Variants in ARSF observed in about 807,000 individuals in gnomAD.
ARSF encodes the protein arylsulfatase F.
In ARSF, 33 loss-of-function variants were observed where a neutral mutation model predicts 35.4. That is an observed-to-expected ratio of 0.93 (90% CI 0.71 to 1.25). The LOEUF is 1.25. Among genes scored for constraint, ARSF ranks in the 50% most tolerant of loss-of-function variants. The pLI is 0.00. For synonymous variants in ARSF, 222 were observed against 193.1 expected (o/e 1.15, Z -1.24); for missense variants, 501 against 480.2 (o/e 1.04, Z -0.40).
intron 6 of ARSF, among the ~76,000 whole-genome samples, chrX:3,086,242 C>T (rs771045562): frequency 1.1e-4 from 12 of 111,940 alleles, no homozygotes; most frequent in Non-Finnish European, 1.7e-4. Context: ...TCTGCCAGTT[C>T]GTCTTCAAAC....
At chrX:3,084,717 TA>T in intron 6 of ARSF, 51 bp downstream of exon 6, 1 of 1,061,362 alleles carries the variant, frequency 9.4e-7, no homozygotes. Context: ...ATCTCTTTTT[TA>T]AAAGGACCTA....
chrX:3,077,789 T>TTTTTTATTATTATTATTATTA (rs1555919570), intron 4 of ARSF, among the ~76,000 whole-genome samples: 2 of 92,225 alleles, frequency 2.2e-5, no homozygotes, highest in Admixed American at 1.3e-4. Flanking sequence ...TTTTATTTTA[T>TTTTTTATTATTATTATTATTA]TTATTATTAT....
intron 9 of ARSF, among the ~76,000 whole-genome samples, chrX:3,106,303 C>T (rs2147546557): frequency 8.9e-6 from 1 of 112,311 alleles, no homozygotes; most frequent in South Asian, 3.7e-4. Context: ...GGGTACTACT[C>T]ATCAGGTTGA....
chrX:3,076,250 A>T (rs1253264919), intron 3 of ARSF, among the ~76,000 whole-genome samples: 2 of 99,420 alleles, frequency 2.0e-5, no homozygotes, highest in East Asian at 3.2e-4. Flanking sequence ...TGTGTGTCTT[A>T]CCCTTTGTCT....
chrX:3,104,971 G>A (rs967303139), intron 9 of ARSF, among the ~76,000 whole-genome samples: 2 of 111,655 alleles, frequency 1.8e-5, no homozygotes, highest in African/African-American at 6.5e-5. Flanking sequence ...TCTTCAAGAG[G>A]AGATCGTTCA....
At position 3,103,679 on chromosome X, in the gene ARSF, A is replaced by G; in HGVS notation, c.1103-83A>G. 6.3e-6 allele frequency: 7 copies of G among 1,102,423 alleles called. No individual in the cohort carries two copies. The South Asian group carries it at 1.4e-4, about 22-fold the overall frequency. The allele number at this position is 1,102,423 out of a possible 1,213,427, so 90.9% of individuals were successfully genotyped here. A position where few individuals can be genotyped will look rare whatever the true frequency, so the allele number is the denominator to read the frequency against. On this transcript the variant is annotated intron_variant, in intron 8 of 10. Transcript: ENST00000381127. ...CTATACAAATGTGATCTCTTTTGATACTAGCTTACCTTTTAAATACATTCA... is the reference window on the plus strand; with the variant it reads ...CTATACAAATGTGATCTCTTTTGATGCTAGCTTACCTTTTAAATACATTCA...
chrX:3,071,040 A>G (rs1299346340), intron 2 of ARSF, among the ~76,000 whole-genome samples: 1 of 110,181 alleles, frequency 9.1e-6, no homozygotes, highest in Admixed American at 9.8e-5. Flanking sequence ...AAGATGTGTT[A>G]TATATAGGTA....
intron 1 of ARSF, among the ~76,000 whole-genome samples, chrX:3,066,106 A>C (rs947323689): frequency 9.0e-6 from 1 of 111,354 alleles, no homozygotes; most frequent in Non-Finnish European, 1.9e-5. Flanking sequence ...AAAACAAAAC[A>C]AAATCTGGTT....
rs1194450291 is a variant in ARSF at position 3,084,229 on chromosome X, G to A, written c.407-14G>A. ...CATATTGATGCGTAGATGTGTTTGTGTGTTTGGTTTTAGGCAAATGGCACC... is the reference window on the plus strand; with the variant it reads ...CATATTGATGCGTAGATGTGTTTGTATGTTTGGTTTTAGGCAAATGGCACC... On this transcript the variant is annotated splice_polypyrimidine_tract_variant and intron_variant, in intron 5 of 10. Coordinates refer to ENST00000381127, the MANE Select transcript of ARSF (RefSeq NM_001201539.2). The A allele has an allele frequency of 3.3e-6, 4 of 1,205,865 alleles. No individual in the cohort carries two copies. Among genetic ancestry groups the A allele is most frequent in the Admixed American group, 2.2e-5 (1 of 45,614 alleles).
rs1248515269 is a variant in ARSF, at chrX:3,110,153, C to A, written c.1291C>A (p.Pro431Thr). The change falls in exon 10 of 11, where the codon CCC becomes ACC. Residue 431 changes from proline to threonine, a missense_variant. Pro to Thr is a conservative substitution (Grantham distance 38, BLOSUM62 -1). Coordinates refer to ENST00000381127, the MANE Select transcript of ARSF (RefSeq NM_001201539.2). ...GGTCATTGACGGCCGAGACCTCATGCCCTTGCTGCAGGGCAACGTCAGGCA... is the reference window on the plus strand; with the variant it reads ...GGTCATTGACGGCCGAGACCTCATGACCTTGCTGCAGGGCAACGTCAGGCA... ...DRVIDGRDLM[P>T]LLQGNVRHSE... The A allele has an allele frequency of 8.3e-7, 1 of 1,198,124 alleles. No homozygotes were observed. Among genetic ancestry groups the A allele is most frequent in the Non-Finnish European group, 1.1e-6 (1 of 887,938 alleles).
intron 1 of ARSF, among the ~76,000 whole-genome samples, chrX:3,056,123 A>C (rs1305657342): frequency 9.1e-6 from 1 of 110,022 alleles, no homozygotes; most frequent in Non-Finnish European, 1.9e-5. Flanking sequence ...TGCCTGGATA[A>C]TTTTTGTAAA....
intron 1 of ARSF, among the ~76,000 whole-genome samples, chrX:3,050,373 G>A (rs1409633815): frequency 9.2e-6 from 1 of 108,584 alleles, no homozygotes; most frequent in Non-Finnish European, 1.9e-5. Context: ...GTGAAACCCC[G>A]TCTCTACTAA....
intron 1 of ARSF, among the ~76,000 whole-genome samples, chrX:3,048,647 T>C (rs1483149406): frequency 1.8e-5 from 2 of 112,147 alleles, no homozygotes; most frequent in Admixed American, 1.9e-4. Flanking sequence ...CTCCCTAAAA[T>C]ATATAAAAGC....
intron 7 of ARSF, among the ~76,000 whole-genome samples, chrX:3,098,047 A>C (rs979957935): frequency 1.1e-5 from 1 of 88,073 alleles, no homozygotes; most frequent in Admixed American, 1.3e-4. Context: ...ATACACACAC[A>C]ACACACACAC....
chrX:3,101,757 T>C (rs2090377822), intron 8 of ARSF, among the ~76,000 whole-genome samples: 1 of 111,894 alleles, frequency 8.9e-6, no homozygotes, highest in Non-Finnish European at 1.9e-5. Context: ...ACAAAATAGG[T>C]CCATAAGCTA....
intron 1 of ARSF, among the ~76,000 whole-genome samples, chrX:3,046,626 C>T (rs2089976507): frequency 9.0e-6 from 1 of 111,669 alleles, no homozygotes. Context: ...CAATCCCTTG[C>T]TTACTGCCTC....
chrX:3,065,432 A>G (rs979070016), intron 1 of ARSF, among the ~76,000 whole-genome samples: 2 of 107,475 alleles, frequency 1.9e-5, no homozygotes, highest in African/African-American at 6.9e-5. Context: ...TTAAAGTATA[A>G]TAAAAATAAA....
chrX:3,060,767 A>G (rs1431336252), intron 1 of ARSF, among the ~76,000 whole-genome samples: 1 of 111,549 alleles, frequency 9.0e-6, no homozygotes, highest in Admixed American at 9.6e-5. Flanking sequence ...TTAGAGAAAA[A>G]AGAGTAAAAA....
chrX:3,076,476 G>C, intron 3 of ARSF, 72 bp from the exon 4 acceptor site: 2 of 1,086,904 alleles, frequency 1.8e-6, no homozygotes, highest in South Asian at 2.1e-5. Context: ...TCTTCCTCTC[G>C]CTCTTCCTCT....
Sources: gnomAD v4.1 joint callset for allele counts (sites outside exome capture counted in the v4.1 genomes callset) on GRCh38, gnomAD v4.1.1 for gene constraint, MANE v1.5 for transcripts, NCBI Gene and HGNC (gene_info 2026-07-23, HGNC 2026-07-21) for gene names.